SEMA3D: variants seen among roughly 807,000 people sequenced by gnomAD.
The protein encoded by SEMA3D is semaphorin 3D.
Under a neutral mutation model 100.1 loss-of-function variants are expected in SEMA3D, and 84 were observed. The ratio of observed to expected loss-of-function variants is 0.84; its 90% confidence interval spans 0.70 to 1.01. The LOEUF (loss-of-function observed/expected upper bound fraction) is 1.01. SEMA3D is among the 50% of genes least tolerant of loss of function. SEMA3D has a pLI of 0.00. For synonymous variants in SEMA3D, 312 were observed against 320.7 expected (o/e 0.97, Z 0.29); for missense variants, 875 against 934.1 (o/e 0.94, Z 0.82).
At chr7:85,023,462 A>G (rs1292841574) in intron 12 of SEMA3D, among the ~76,000 whole-genome samples, 1 of 151,952 alleles carries the variant, frequency 6.6e-6, no homozygotes, top group Non-Finnish European at 1.5e-5. Context: ...GTATAGAACG[A>G]TTCTTTTATC....
chr7:85,201,120 G>A, the SEMA3D span, among the ~76,000 whole-genome samples: 1 of 152,148 alleles, frequency 6.6e-6, no homozygotes, highest in Admixed American at 6.5e-5. Flanking sequence ...ATTCATAAAT[G>A]TCTGTCTTCA....
intron 9 of SEMA3D, among the ~76,000 whole-genome samples, chr7:85,046,607 C>T (rs180876924): frequency 1.3e-5 from 2 of 152,028 alleles, no homozygotes; most frequent in African/African-American, 4.8e-5. Flanking sequence ...CATTTAATGA[C>T]TGGATAGTAA....
chr7:85,198,005 C>T, the SEMA3D span, among the ~76,000 whole-genome samples: 16 of 152,222 alleles, frequency 1.1e-4, no homozygotes, highest in African/African-American at 3.6e-4. Flanking sequence ...TAAAAGCAGA[C>T]ACATTCACAG....
intron 13 of SEMA3D, among the ~76,000 whole-genome samples, chr7:85,020,553 A>G (rs1239948146): frequency 6.6e-6 from 1 of 151,680 alleles, no homozygotes; most frequent in Non-Finnish European, 1.5e-5. Context: ...AAGGATGCAT[A>G]TTCAGAGTAT....
intron 3 of SEMA3D, among the ~76,000 whole-genome samples, chr7:85,112,558 A>G (rs888988073): frequency 2.0e-5 from 3 of 152,208 alleles, no homozygotes; most frequent in African/African-American, 4.8e-5. Flanking sequence ...CAAGTTGACA[A>G]TAACATGGGC....
At chr7:85,069,544 A>G (rs1791716165) in intron 6 of SEMA3D, among the ~76,000 whole-genome samples, 1 of 152,202 alleles carries the variant, frequency 6.6e-6, no homozygotes, top group Admixed American at 6.5e-5. Flanking sequence ...TTCCTGAAAT[A>G]AACTGACTGA....
intron 3 of SEMA3D, among the ~76,000 whole-genome samples, chr7:85,121,523 A>G (rs951019067): frequency 3.3e-5 from 5 of 152,330 alleles, no homozygotes; most frequent in African/African-American, 1.2e-4. Context: ...ATTGAATATT[A>G]TAAATACTGG....
intron 2 of SEMA3D, among the ~76,000 whole-genome samples, chr7:85,125,445 G>C (rs769051183): frequency 6.6e-6 from 1 of 152,052 alleles, no homozygotes. Flanking sequence ...TAGTAACACT[G>C]TTCCTTGTAA....
At chr7:85,108,858 A>G (rs1458154550) in intron 3 of SEMA3D, among the ~76,000 whole-genome samples, 5 of 151,968 alleles carry the variant, frequency 3.3e-5, no homozygotes, top group African/African-American at 1.2e-4. Context: ...TTTAGTTTAA[A>G]CCAATGATAT....
At chr7:85,135,497 G>A (rs1303339374) in intron 2 of SEMA3D, among the ~76,000 whole-genome samples, 2 of 151,762 alleles carry the variant, frequency 1.3e-5, no homozygotes, top group East Asian at 3.9e-4. Context: ...ACACACCGGG[G>A]CCTGTCGTGA....
rs183602431 is a variant in SEMA3D at position 85,107,695 on chromosome 7, T to C, written c.152-9730A>G. On this transcript the variant is annotated intron_variant, in intron 3 of 18. Transcript: ENST00000284136. Reference sequence around the variant, plus strand: ...CAGGCTCAACATTTCTGAATCACTTTTAGTTTTTCTTCCTTACTCTTCTTT... The same window carrying C: ...CAGGCTCAACATTTCTGAATCACTTCTAGTTTTTCTTCCTTACTCTTCTTT... 1.6e-3 allele frequency among the ~76,000 whole-genome samples: 251 copies of C among 152,178 alleles called. 2 individuals are homozygous for C. The highest frequency in any genetic ancestry group is 1.2e-4 in the Non-Finnish European group (8 of 67,976).
chr7:85,045,510 T>G (rs1337044074), intron 9 of SEMA3D, among the ~76,000 whole-genome samples: 1 of 151,980 alleles, frequency 6.6e-6, no homozygotes, highest in South Asian at 2.1e-4. Flanking sequence ...GCCTTTATTA[T>G]GAGTATCATT....
chr7:85,217,503 A>G, the SEMA3D span, among the ~76,000 whole-genome samples: 23,846 of 152,074 alleles, frequency 0.16, 2,380 homozygotes, highest in Non-Finnish European at 0.23. Context: ...ACTTAATTCA[A>G]GGGACAATGA....
At chr7:85,055,050 T>G (rs1432500980) in intron 9 of SEMA3D, among the ~76,000 whole-genome samples, 1 of 152,100 alleles carries the variant, frequency 6.6e-6, no homozygotes, top group African/African-American at 2.4e-5. Context: ...AAATAAATAT[T>G]TTGCATTGTG....
At chr7:85,120,278 T>C (rs1789370964) in intron 3 of SEMA3D, among the ~76,000 whole-genome samples, 1 of 152,174 alleles carries the variant, frequency 6.6e-6, no homozygotes, top group South Asian at 2.1e-4. Flanking sequence ...CCAAAACTGT[T>C]AATGTTCACT....
chr7:85,181,883 T>TC, intron 1 of SEMA3D: 2 of 282,080 alleles, frequency 7.1e-6, no homozygotes, highest in Non-Finnish European at 1.1e-5. Context: ...GGATTGAAAA[T>TC]CATCAAAATT....
intron 3 of SEMA3D, among the ~76,000 whole-genome samples, chr7:85,118,756 T>C (rs1789320955): frequency 6.6e-6 from 1 of 152,152 alleles, no homozygotes; most frequent in South Asian, 2.1e-4. Context: ...CTGTCAACTG[T>C]TGACAGTTTC....
the SEMA3D span, among the ~76,000 whole-genome samples, chr7:85,212,914 T>C: frequency 8.6e-5 from 13 of 152,026 alleles, no homozygotes; most frequent in Non-Finnish European, 1.5e-4. Flanking sequence ...GTGCATTAGA[T>C]TGAATGGTAC....
the SEMA3D span, among the ~76,000 whole-genome samples, chr7:85,248,720 A>G: frequency 6.6e-6 from 1 of 152,124 alleles, no homozygotes; most frequent in Non-Finnish European, 1.5e-5. Context: ...AAAGAAATCA[A>G]CCTGAAAAAC....
Sources: gnomAD v4.1 joint callset for allele counts (sites outside exome capture counted in the v4.1 genomes callset) on GRCh38, gnomAD v4.1.1 for gene constraint, MANE v1.5 for transcripts, NCBI Gene and HGNC (gene_info 2026-07-23, HGNC 2026-07-21) for gene names.